NHSL1: variants seen among roughly 807,000 people sequenced by gnomAD.
NHSL1 encodes NHS like 1.
A neutral mutation model predicts 95.0 loss-of-function variants in NHSL1; 48 were observed. The observed-to-expected ratio is 0.51, with a 90% CI of 0.40 to 0.64. The LOEUF is 0.64. Among genes scored for constraint, NHSL1 ranks in the 30% least tolerant of loss-of-function variants. The pLI is 0.00. For synonymous variants in NHSL1, 783 were observed against 833.9 expected, an observed-to-expected ratio of 0.94 and a Z score of 1.05; for missense variants, 1,971 against 2,077.7, an observed-to-expected ratio of 0.95 and a Z score of 1.00.
intron 3 of NHSL1, among the ~76,000 whole-genome samples, chr6:138,451,028 C>A (rs1448615489): frequency 6.6e-6 from 1 of 152,168 alleles, no homozygotes; most frequent in Non-Finnish European, 1.5e-5. Flanking sequence ...CTCAATACAG[C>A]AGGCGAAGGA....
chr6:138,576,487 T>C (rs1289369777), upstream of NHSL1, among the ~76,000 whole-genome samples: 1 of 152,162 alleles, frequency 6.6e-6, no homozygotes, highest in African/African-American at 2.4e-5. Context: ...CCCCCTCCCC[T>C]CTCACTGTCA....
chr6:138,665,887 GC>G (rs1785287703), intron 1 of NHSL1, among the ~76,000 whole-genome samples: 1 of 152,046 alleles, frequency 6.6e-6, no homozygotes, highest in African/African-American at 2.4e-5. Context: ...CCCAGTTTAA[GC>G]CCCAGGCTCT....
At chr6:138,618,115 C>T (rs577221566) in intron 1 of NHSL1, among the ~76,000 whole-genome samples, 7 of 152,148 alleles carry the variant, frequency 4.6e-5, no homozygotes, top group Non-Finnish European at 8.8e-5. Flanking sequence ...AAACTTATAA[C>T]AGAGACCTTC....
intron 1 of NHSL1, among the ~76,000 whole-genome samples, chr6:138,664,039 C>G (rs919513916): frequency 3.3e-5 from 5 of 152,168 alleles, no homozygotes; most frequent in Non-Finnish European, 7.3e-5. Context: ...TGGGCAAAGT[C>G]AAGTCTGGAT....
chr6:138,467,241 C>G (rs1012386632), intron 3 of NHSL1, among the ~76,000 whole-genome samples: 1 of 151,880 alleles, frequency 6.6e-6, no homozygotes, highest in Non-Finnish European at 1.5e-5. Flanking sequence ...CCGGCTCCGC[C>G]CCCCGGGTTC....
intron 3 of NHSL1, among the ~76,000 whole-genome samples, chr6:138,451,170 G>C (rs1450082599): frequency 6.6e-6 from 1 of 151,902 alleles, no homozygotes; most frequent in Admixed American, 6.6e-5. Context: ...ATTTCCTACT[G>C]TTCTTTCCCA....
chr6:138,595,173 C>A (rs1186867889), intron 1 of NHSL1, among the ~76,000 whole-genome samples: 1 of 152,122 alleles, frequency 6.6e-6, no homozygotes, highest in Non-Finnish European at 1.5e-5. Flanking sequence ...TTTTTGAAAA[C>A]CATTTTCTTT....
At chr6:138,572,404 G>A (rs2114449453) in exon 1 of NHSL1, 1 of 153,896 alleles carries the variant, frequency 6.5e-6, no homozygotes, top group East Asian at 1.9e-4. Context: ...AAAAGAGTCA[G>A]GGTCAAGCCA....
intron 1 of NHSL1, among the ~76,000 whole-genome samples, chr6:138,659,041 A>C (rs1296092660): frequency 6.9e-6 from 1 of 144,610 alleles, no homozygotes; most frequent in Non-Finnish European, 1.5e-5. Flanking sequence ...TGAGATGTGG[A>C]CTATCTTTTT....
chr6:138,501,972 T>C (rs1289362857), upstream of NHSL1, among the ~76,000 whole-genome samples: 1 of 152,210 alleles, frequency 6.6e-6, no homozygotes, highest in Non-Finnish European at 1.5e-5. Flanking sequence ...ATTGTGGTTT[T>C]TTCCCCAAAT....
intron 1 of NHSL1, among the ~76,000 whole-genome samples, chr6:138,630,223 AAAAAAAAAAAATCACAC>A (rs1427795399): frequency 7.5e-4 from 106 of 140,590 alleles, no homozygotes; most frequent in African/African-American, 3.0e-3. Flanking sequence ...CACTCCCACC[AAAAAAAAAAAATCACAC>A]TGTGAAGCCT....
At chr6:138,616,876 A>G (rs771013644) in intron 1 of NHSL1, among the ~76,000 whole-genome samples, 1 of 152,238 alleles carries the variant, frequency 6.6e-6, no homozygotes, top group South Asian at 2.1e-4. Flanking sequence ...TGAGCAGTCA[A>G]GGGTAGAGGT....
chr6:138,470,835 A>T (rs1258433039), intron 3 of NHSL1, among the ~76,000 whole-genome samples: 1 of 152,140 alleles, frequency 6.6e-6, no homozygotes, highest in South Asian at 2.1e-4. Flanking sequence ...TGTGGGTCCC[A>T]AGGAGACCTG....
chr6:138,656,570 T>C lies in NHSL1; in HGVS notation c.96+35906A>G, dbSNP rs145782554. The stretch of plus-strand genomic sequence containing the variant: ...AGGGTGGAGGATAGTGAAGACAGAT[T>C]CAAGCGATAATACATCAGGTTTAAA... On this transcript the variant is annotated intron_variant, in intron 1 of 3. Transcript: ENST00000491526. Among the ~76,000 whole-genome samples the C allele has an allele frequency of 2.5e-3, 378 of 152,266 alleles. 1 individual carries two copies. The highest frequency in any genetic ancestry group is 8.4e-3 in the African/African-American group (348 of 41,552).
chr6:138,424,928 C>T lies in NHSL1; in HGVS notation c.4086-112G>A. 1.1e-6 allele frequency: 1 copy of T among 935,856 alleles called. No homozygotes were observed. Among genetic ancestry groups the T allele is most frequent in the South Asian group, 1.8e-5 (1 of 56,464 alleles). 58.0% of individuals were successfully genotyped at this position (935,856 alleles called of 1,614,324 possible). A position where few individuals can be genotyped will look rare whatever the true frequency, so the allele number is the denominator to read the frequency against. On this transcript the variant is annotated intron_variant, in intron 7 of 7. Transcript: ENST00000343505. This position sits in a 1 kb window ranked among gnomAD's most constrained non-coding sequence, Gnocchi z 5.9. ...CAGGTCACCATCTACTTAAGATTCA[C>T]TTTCAAAAAATTTATTTTTGACTGG...
chr6:138,570,988 G>C (rs890371987), intron 1 of NHSL1, among the ~76,000 whole-genome samples: 6 of 152,254 alleles, frequency 3.9e-5, no homozygotes, highest in Admixed American at 3.3e-4. Context: ...ATAAAATAGG[G>C]GTGTGTTAAG....
rs912503819 is a variant in NHSL1, at chr6:138,433,297, T to C, written c.1048A>G (p.Met350Val). The change falls in exon 6 of 8, where the codon ATG becomes GTG. Residue 350 changes from methionine to valine, a missense_variant. This residue lies in a region of NHSL1 where 1,602 missense variants were observed against 1,654.5 expected (regional missense o/e 0.97). Transcript: ENST00000343505. ...CTCTGGTAGAGGAAAGTGCCATTCATGTCTCCTGCAGGGCCGAGGGCACCC... is the reference window on the plus strand; with the variant it reads ...CTCTGGTAGAGGAAAGTGCCATTCACGTCTCCTGCAGGGCCGAGGGCACCC... ...RLGALGPAGD[M>V]NGTFLYQRGH... is the part of the protein sequence containing the mutation. 12 of 1,551,556 alleles carry C rather than the reference T, an allele frequency of 7.7e-6. No individual in the cohort carries two copies. Among genetic ancestry groups the C allele is most frequent in the South Asian group, 1.2e-5 (1 of 84,052 alleles).
At chr6:138,685,643 A>G (rs1244942878) in intron 1 of NHSL1, among the ~76,000 whole-genome samples, 2 of 152,054 alleles carry the variant, frequency 1.3e-5, no homozygotes, top group African/African-American at 4.8e-5. Context: ...TTGAGGCCAG[A>G]GTTTGAGATG....
upstream of NHSL1, among the ~76,000 whole-genome samples, chr6:138,504,453 T>C (rs1381020794): frequency 2.0e-5 from 3 of 152,134 alleles, no homozygotes; most frequent in Non-Finnish European, 2.9e-5. Flanking sequence ...ATAACACACA[T>C]CCACCTCATT....
Sources: allele counts gnomAD v4.1 joint callset (sites outside exome capture counted in the v4.1 genomes callset), GRCh38; gene constraint gnomAD v4.1.1; regional missense constraint gnomAD v4.1.1; non-coding constraint Gnocchi (gnomAD v3.1); transcripts MANE v1.5; gene names NCBI Gene and HGNC (gene_info 2026-07-23, HGNC 2026-07-21).